The following PFDN1 variants were observed in gnomAD, a reference collection of about 807,000 sequenced individuals.
PFDN1 encodes prefoldin subunit 1, also known as prefoldin 1.
In PFDN1, 6 loss-of-function variants were observed where a neutral mutation model predicts 17.3. The observed-to-expected ratio is 0.35, with a 90% CI of 0.19 to 0.69. PFDN1 has a LOEUF of 0.69. Ranked by LOEUF, PFDN1 falls within the 30% of genes least tolerant of loss-of-function variation. The pLI is 0.65. For synonymous variants in PFDN1, 58 were observed against 50.1 expected, an observed-to-expected ratio of 1.16 and a Z score of -0.67; for missense variants, 113 against 146.2, an observed-to-expected ratio of 0.77 and a Z score of 1.17.
chr5:140,261,189 TA>T (rs1765061032), intron 3 of PFDN1, among the ~76,000 whole-genome samples: 1 of 140,764 alleles, frequency 7.1e-6, no homozygotes, highest in East Asian at 2.1e-4. Context: ...AAAGAAAGGA[TA>T]TTTTAAAAAA....
intron 2 of PFDN1, among the ~76,000 whole-genome samples, chr5:140,298,465 C>G (rs1581100284): frequency 6.6e-6 from 1 of 151,522 alleles, no homozygotes; most frequent in East Asian, 1.9e-4. Context: ...TCCTGTACCT[C>G]CCCCCAACTT....
chr5:140,294,498 A>G (rs1765624959), intron 2 of PFDN1, among the ~76,000 whole-genome samples: 1 of 152,032 alleles, frequency 6.6e-6, no homozygotes, highest in Admixed American at 6.6e-5. Flanking sequence ...CATTTAACAT[A>G]ACTAAGGGAA....
intron 2 of PFDN1, among the ~76,000 whole-genome samples, chr5:140,296,318 T>C (rs1411129288): frequency 2.6e-5 from 4 of 152,260 alleles, no homozygotes; most frequent in African/African-American, 7.2e-5. Flanking sequence ...ACACATTTAA[T>C]AGCTATTTTG....
rs943514225 is a variant in PFDN1, at chr5:140,254,967, C to T, written c.286-8910G>A. On this transcript the variant is annotated intron_variant, in intron 3 of 3. Coordinates refer to ENST00000261813, the MANE Select transcript of PFDN1 (RefSeq NM_002622.5). This position sits in a 1 kb window ranked among gnomAD's most constrained non-coding sequence, Gnocchi z 4.4. Reference sequence around the variant, plus strand: ...CCCAGATTAAACTCAACCATCTACCCACTCCATGCCTCACCTGAGTGGCTG... The same window carrying T: ...CCCAGATTAAACTCAACCATCTACCTACTCCATGCCTCACCTGAGTGGCTG... 6.6e-6 allele frequency among the ~76,000 whole-genome samples: 1 copy of T among 152,204 alleles called. No individual in the cohort carries two copies. The highest frequency in any genetic ancestry group is 2.4e-5 in the African/African-American group (1 of 41,442).
chr5:140,276,550 G>A (rs1022420567), intron 3 of PFDN1, among the ~76,000 whole-genome samples: 14 of 152,160 alleles, frequency 9.2e-5, no homozygotes, highest in Non-Finnish European at 2.9e-5. Context: ...GGAGGCAGAG[G>A]TGGGTGGATC....
At chr5:140,293,915 C>A (rs921510153) in intron 2 of PFDN1, among the ~76,000 whole-genome samples, 1 of 151,988 alleles carries the variant, frequency 6.6e-6, no homozygotes, top group Non-Finnish European at 1.5e-5. Context: ...TTGTTGTTTT[C>A]CCTTAGAACT....
chr5:140,252,908 C>A (rs1764934919), intron 3 of PFDN1, among the ~76,000 whole-genome samples: 1 of 152,190 alleles, frequency 6.6e-6, no homozygotes, highest in Non-Finnish European at 1.5e-5. Context: ...GGAGGGCCAA[C>A]AGAGGCAGGC....
intron 2 of PFDN1, among the ~76,000 whole-genome samples, chr5:140,289,116 T>A (rs1010967624): frequency 3.9e-5 from 6 of 152,114 alleles, no homozygotes; most frequent in Non-Finnish European, 7.4e-5. Flanking sequence ...CAAACTCCCA[T>A]CTATACAAAA....
In PFDN1 at chr5:140,245,595, T is replaced by G. The variant is rs1250338279; in HGVS notation, c.*379A>C. On this transcript the variant is annotated 3_prime_UTR_variant, in exon 4 of 4. Coordinates refer to ENST00000261813, the MANE Select transcript of PFDN1 (RefSeq NM_002622.5). ...GAGACGGCCACTGCCTCTCTCACCC[T>G]CTGTTCCATCCCTCTGCTCAAGAAA... 3 of 702,104 alleles carry G rather than the reference T, an allele frequency of 4.3e-6. No individual in the cohort carries two copies. The highest frequency in any genetic ancestry group is 7.8e-6 in the Non-Finnish European group (3 of 384,950). The allele number at this position is 702,104 out of a possible 1,614,324, so 43.5% of individuals were successfully genotyped here. A position where few individuals can be genotyped will look rare whatever the true frequency, so the allele number is the denominator to read the frequency against.
At chr5:140,266,367 A>G (rs1258733164) in intron 3 of PFDN1, among the ~76,000 whole-genome samples, 1 of 152,182 alleles carries the variant, frequency 6.6e-6, no homozygotes, top group Non-Finnish European at 1.5e-5. Context: ...TGACTTGAGA[A>G]ATATCTAAAA....
chr5:140,278,735 CAT>C (rs1016091938), intron 3 of PFDN1, among the ~76,000 whole-genome samples: 1 of 152,128 alleles, frequency 6.6e-6, no homozygotes, highest in African/African-American at 2.4e-5. Flanking sequence ...AGATTCATCA[CAT>C]CTCTCAGTAA....
rs115674212 is a variant in PFDN1 at position 140,252,756 on chromosome 5, A to C, written c.286-6699T>G. On this transcript the variant is annotated intron_variant, in intron 3 of 3. Transcript: ENST00000261813. ...GTAGAAGGCAGGGGAAACAAGACAA[A>C]AACAGAAAAAAAGGCAACAAGAGGA... 3.3e-3 allele frequency among the ~76,000 whole-genome samples: 499 copies of C among 152,254 alleles called. 3 individuals carry two copies. Among genetic ancestry groups the C allele is most frequent in the Non-Finnish European group, 5.4e-3 (365 of 68,022 alleles).
chr5:140,253,375 C>A (rs1581081361), intron 3 of PFDN1, among the ~76,000 whole-genome samples: 2 of 152,132 alleles, frequency 1.3e-5, no homozygotes, highest in East Asian at 1.9e-4. Context: ...CCAAGACGAA[C>A]CCGAACCCCT....
intron 2 of PFDN1, among the ~76,000 whole-genome samples, chr5:140,295,527 C>G (rs1372545178): frequency 6.6e-6 from 1 of 152,126 alleles, no homozygotes; most frequent in Admixed American, 6.6e-5. Context: ...GAGGTCAGCT[C>G]ACAAACAGCT....
Position 140,274,609 on chromosome 5 carries a change from C to T in PFDN1, c.285+6840G>A, listed in dbSNP as rs147529923. On this transcript the variant is annotated intron_variant, in intron 3 of 3. Transcript: ENST00000261813. ...AGAATTTGATCTATCACCTTTATAA[C>T]GAAAGATTAAATCTACATAAACCGT... Among the ~76,000 whole-genome samples the T allele has an allele frequency of 3.9e-4, 59 of 152,232 alleles. 1 individual carries two copies. In the East Asian group the frequency reaches 6.9e-3, roughly 18 times the overall value.
intron 2 of PFDN1, among the ~76,000 whole-genome samples, chr5:140,295,332 C>A (rs950332085): frequency 2.6e-5 from 4 of 151,922 alleles, no homozygotes; most frequent in Non-Finnish European, 5.9e-5. Flanking sequence ...GGAAGAAAAC[C>A]CCCACAAGCA....
chr5:140,286,354 G>A (rs1225319098), intron 2 of PFDN1, among the ~76,000 whole-genome samples: 2 of 145,454 alleles, frequency 1.4e-5, no homozygotes, highest in Non-Finnish European at 3.0e-5. Context: ...GGAGGTTGCA[G>A]TGAGCCAAGA....
intron 3 of PFDN1, chr5:140,281,184 G>T: frequency 3.6e-6 from 1 of 279,578 alleles, no homozygotes; most frequent in Middle Eastern, 1.3e-3. Flanking sequence ...CACATTCAAG[G>T]GCAATGAACA....
At chr5:140,282,734 GAACA>G (rs1373346887) in intron 2 of PFDN1, among the ~76,000 whole-genome samples, 21 of 152,258 alleles carry the variant, frequency 1.4e-4, no homozygotes, top group Admixed American at 1.3e-3. Context: ...GGGAAAGGAA[GAACA>G]AACTTTTATA....
Sources: allele counts gnomAD v4.1 joint callset (sites outside exome capture counted in the v4.1 genomes callset), GRCh38; gene constraint gnomAD v4.1.1; non-coding constraint Gnocchi (gnomAD v3.1); transcripts MANE v1.5; gene names NCBI Gene and HGNC (gene_info 2026-07-23, HGNC 2026-07-21).